DPF3: variants seen among roughly 807,000 people sequenced by gnomAD.
DPF3 encodes zinc finger protein DPF3.
Under a neutral mutation model 56.8 loss-of-function variants are expected in DPF3, and 18 were observed. That is an observed-to-expected ratio of 0.32 (90% CI 0.22 to 0.47). The LOEUF (loss-of-function observed/expected upper bound fraction) is 0.47. Among genes scored for constraint, DPF3 ranks in the 20% least tolerant of loss-of-function variants. The pLI, the probability that DPF3 is intolerant of heterozygous loss-of-function variation, is 1.00. For missense variants in DPF3, 403 were observed against 488.8 expected, an observed-to-expected ratio of 0.82 and a Z score of 1.65; for synonymous variants, 188 against 180.2, an observed-to-expected ratio of 1.04 and a Z score of -0.35.
chr14:72,810,505 G>A (rs1003782223), intron 1 of DPF3, among the ~76,000 whole-genome samples: 2 of 152,054 alleles, frequency 1.3e-5, no homozygotes, highest in African/African-American at 4.8e-5. Flanking sequence ...AGGGAAAGAG[G>A]GGCATGAAAA....
intron 1 of DPF3, among the ~76,000 whole-genome samples, chr14:72,781,087 G>C (rs1197005029): frequency 6.6e-6 from 1 of 152,184 alleles, no homozygotes; most frequent in Non-Finnish European, 1.5e-5. Flanking sequence ...TGAATGAGAG[G>C]GGACTTGTGT....
chr14:72,874,528 A>G (rs1349890156), intron 1 of DPF3, among the ~76,000 whole-genome samples: 2 of 152,040 alleles, frequency 1.3e-5, no homozygotes, highest in Non-Finnish European at 2.9e-5. Context: ...GATAACCTAA[A>G]TCATCTCTCT....
chr14:72,716,000 T>C lies in DPF3; in HGVS notation c.526-1499A>G, dbSNP rs191204512. On this transcript the variant is annotated intron_variant, in intron 5 of 10. Coordinates refer to ENST00000556509, the MANE Select transcript of DPF3 (RefSeq NM_001280542.3). ...ACTGCCGAGGGTGGTCACCCTCAGCTGCCCTCCCCCTCCACACCCCTCTGT... is the reference window on the plus strand; with the variant it reads ...ACTGCCGAGGGTGGTCACCCTCAGCCGCCCTCCCCCTCCACACCCCTCTGT... 3.5e-3 allele frequency among the ~76,000 whole-genome samples: 527 copies of C among 151,722 alleles called. 2 individuals are homozygous for C. The highest frequency in any genetic ancestry group is 0.012 in the African/African-American group (493 of 41,330).
intron 7 of DPF3, among the ~76,000 whole-genome samples, chr14:72,688,348 G>A (rs76325399): frequency 9.3e-5 from 14 of 150,986 alleles, no homozygotes; most frequent in East Asian, 7.8e-4. Context: ...ACGTATACAC[G>A]GATGGATGGA....
intron 6 of DPF3, among the ~76,000 whole-genome samples, chr14:72,704,483 G>C (rs1888322744): frequency 6.6e-6 from 1 of 152,092 alleles, no homozygotes; most frequent in South Asian, 2.1e-4. Flanking sequence ...ATGCTGAGCA[G>C]GTTTTATTTG....
At chr14:72,677,733 G>T (rs892232679) in intron 7 of DPF3, among the ~76,000 whole-genome samples, 1 of 152,136 alleles carries the variant, frequency 6.6e-6, no homozygotes, top group African/African-American at 2.4e-5. Flanking sequence ...GAGGAGAGCT[G>T]GTCCATGTGT....
At chr14:72,804,632 T>C (rs1293817654) in intron 1 of DPF3, among the ~76,000 whole-genome samples, 1 of 152,188 alleles carries the variant, frequency 6.6e-6, no homozygotes, top group Non-Finnish European at 1.5e-5. Context: ...TTTGTTTTTT[T>C]TCCCAATAAG....
At chr14:72,818,702 G>C (rs901009355) in intron 1 of DPF3, among the ~76,000 whole-genome samples, 16 of 152,170 alleles carry the variant, frequency 1.1e-4, no homozygotes, top group African/African-American at 3.6e-4. Context: ...AAATTAAAAA[G>C]ACATTGTTTA....
At chr14:72,746,429 AG>A (rs1285929036) in intron 3 of DPF3, among the ~76,000 whole-genome samples, 11 of 152,040 alleles carry the variant, frequency 7.2e-5, no homozygotes, top group African/African-American at 2.2e-4. Flanking sequence ...CAGACTCAGA[AG>A]AGGATTGGGA....
At chr14:72,893,548 C>T (rs997874696) in intron 1 of DPF3, among the ~76,000 whole-genome samples, 3 of 152,090 alleles carry the variant, frequency 2.0e-5, no homozygotes, top group Non-Finnish European at 4.4e-5. Context: ...CCTGCAAACT[C>T]CGGAGCCTCC....
chr14:72,772,411 C>T (rs1254436255), intron 1 of DPF3, among the ~76,000 whole-genome samples: 1 of 152,072 alleles, frequency 6.6e-6, no homozygotes, highest in African/African-American at 2.4e-5. Context: ...AAAACTAGGA[C>T]AGAAAAAACA....
At chr14:72,669,833 G>A in intron 8 of DPF3, 4 of 929,826 alleles carry the variant, frequency 4.3e-6, no homozygotes, top group Non-Finnish European at 3.9e-6. Context: ...ACTAAGAAGG[G>A]AGTCCAAACC....
At chr14:72,837,580 A>G (rs1884352423) in intron 1 of DPF3, among the ~76,000 whole-genome samples, 1 of 152,020 alleles carries the variant, frequency 6.6e-6, no homozygotes, top group Non-Finnish European at 1.5e-5. Flanking sequence ...TCTACTAAAA[A>G]TACAAAAATT....
rs759405273 is a variant in DPF3 at position 72,674,223 on chromosome 14, G to A, written c.871+17C>T. The A allele has an allele frequency of 1.2e-6, 2 of 1,608,136 alleles. No homozygotes were observed. Among genetic ancestry groups the A allele is most frequent in the African/African-American group, 1.3e-5 (1 of 74,796 alleles). Reference sequence around the variant, plus strand: ...CCTGGTCTACGGGCACCCGGTGTGGGAAGGGGCCACACTCACCAGAGCGTC... The same window carrying A: ...CCTGGTCTACGGGCACCCGGTGTGGAAAGGGGCCACACTCACCAGAGCGTC... On this transcript the variant is annotated intron_variant, in intron 8 of 10. Coordinates refer to ENST00000556509, the MANE Select transcript of DPF3 (RefSeq NM_001280542.3).
intron 2 of DPF3, among the ~76,000 whole-genome samples, chr14:72,755,459 A>G (rs1247358812): frequency 6.6e-6 from 1 of 152,176 alleles, no homozygotes; most frequent in Non-Finnish European, 1.5e-5. Flanking sequence ...TGCAGTGCAA[A>G]GGAAGAGCAC....
chr14:72,645,169 G>A (rs1178189409), intron 8 of DPF3, among the ~76,000 whole-genome samples: 3 of 152,288 alleles, frequency 2.0e-5, no homozygotes, highest in Admixed American at 6.5e-5. Context: ...TCCTTTCCAT[G>A]AGGCAGAAAC....
At chr14:72,773,098 T>TA (rs1402537443) in intron 1 of DPF3, among the ~76,000 whole-genome samples, 2 of 148,776 alleles carry the variant, frequency 1.3e-5, no homozygotes, top group Non-Finnish European at 3.0e-5. Flanking sequence ...TTTAGAGGAA[T>TA]AAAAAAAGCA....
At chr14:72,838,773 ATT>A (rs1884412079) in intron 1 of DPF3, among the ~76,000 whole-genome samples, 3 of 150,920 alleles carry the variant, frequency 2.0e-5, no homozygotes, top group Admixed American at 2.0e-4. Context: ...AAAAAAGGCA[ATT>A]ACTGTTGGCA....
rs538758048 is a variant in DPF3, at chr14:72,822,266, A to C, written c.33-50373T>G. On this transcript the variant is annotated intron_variant, in intron 1 of 10. Transcript: ENST00000556509. ...CGTGGTAGCACATGCCTGTAATCCC[A>C]GCTACTCGGGAGGCTGAGGTGGGAG... 8.5e-5 allele frequency among the ~76,000 whole-genome samples: 13 copies of C among 152,294 alleles called. No individual in the cohort carries two copies. In the South Asian group the frequency reaches 2.7e-3, roughly 32 times the overall value.
Sources: gnomAD v4.1 joint callset for allele counts (sites outside exome capture counted in the v4.1 genomes callset) on GRCh38, gnomAD v4.1.1 for gene constraint, MANE v1.5 for transcripts, NCBI Gene and HGNC (gene_info 2026-07-23, HGNC 2026-07-21) for gene names.